The following SPAG17 variants were observed in gnomAD, a reference collection of about 807,000 sequenced individuals.
SPAG17 encodes the protein sperm-associated antigen 17.
In SPAG17, 169 loss-of-function variants were observed where a neutral mutation model predicts 273.6. The ratio of observed to expected loss-of-function variants is 0.62; its 90% confidence interval spans 0.55 to 0.70. SPAG17 has a LOEUF of 0.70. Ranked by LOEUF, SPAG17 falls within the 30% of genes least tolerant of loss-of-function variation. The probability of loss-of-function intolerance (pLI) is 0.00; values close to 1 mark genes in which losing one functional copy is unlikely to be tolerated. For missense variants in SPAG17, 2,557 were observed against 2,627.8 expected (o/e 0.97, Z 0.59); for synonymous variants, 825 against 873.2 (o/e 0.94, Z 0.97).
chr1:118,012,606 G>A (rs985854072), intron 29 of SPAG17, among the ~76,000 whole-genome samples: 2 of 152,194 alleles, frequency 1.3e-5, no homozygotes, highest in African/African-American at 4.8e-5. Flanking sequence ...TGAAAGTCAT[G>A]CAGCAAGTAA....
At chr1:118,142,079 C>A (rs1003132583) in intron 3 of SPAG17, among the ~76,000 whole-genome samples, 1 of 150,990 alleles carries the variant, frequency 6.6e-6, no homozygotes, top group Non-Finnish European at 1.5e-5. Flanking sequence ...GTGGAAGCAA[C>A]CCACGTGTCC....
At chr1:118,173,208 C>G (rs987089649) in intron 1 of SPAG17, among the ~76,000 whole-genome samples, 1 of 151,774 alleles carries the variant, frequency 6.6e-6, no homozygotes, top group African/African-American at 2.4e-5. Flanking sequence ...AATGAATGAC[C>G]AATCAAGAAA....
chr1:118,057,005 C>T (rs940301136), intron 18 of SPAG17, among the ~76,000 whole-genome samples: 3 of 150,716 alleles, frequency 2.0e-5, no homozygotes, highest in Non-Finnish European at 3.0e-5. Context: ...GACTGAGTCT[C>T]GCTCTGTCAC....
chr1:118,099,581 G>T, intron 6 of SPAG17, 25 bp downstream of exon 6: 2 of 1,606,244 alleles, frequency 1.2e-6, no homozygotes, highest in South Asian at 2.2e-5. Context: ...GAAGGACTCA[G>T]TAAGTTGTGT....
chr1:118,023,913 T>A (rs1359208061), intron 27 of SPAG17, among the ~76,000 whole-genome samples: 1 of 152,186 alleles, frequency 6.6e-6, no homozygotes, highest in Non-Finnish European at 1.5e-5. Context: ...CACAGATATG[T>A]CTACCTGCTG....
chr1:117,972,628 A>G (rs1281170267), intron 44 of SPAG17, among the ~76,000 whole-genome samples: 1 of 152,200 alleles, frequency 6.6e-6, no homozygotes, highest in East Asian at 1.9e-4. Context: ...AGATCTAGTG[A>G]GTCAGAATCT....
chr1:118,165,192 A>G (rs1660105691), intron 1 of SPAG17, among the ~76,000 whole-genome samples: 1 of 152,196 alleles, frequency 6.6e-6, no homozygotes, highest in South Asian at 2.1e-4. Flanking sequence ...TAAAGCACAA[A>G]TCATCACGGT....
In SPAG17 at chr1:118,081,635, C is replaced by T. The variant is rs747010541; in HGVS notation, c.1770G>A (p.Leu590=). The T allele has an allele frequency of 1.2e-6, 2 of 1,613,568 alleles. No homozygotes were observed. The highest frequency in any genetic ancestry group is 2.2e-5 in the East Asian group (1 of 44,860). ...ELMHFCTSDV[L]SWNEVERAFK... Reference sequence around the variant, plus strand: ...AGGCTCGTTCTACTTCATTCCAGCTCAAGACATCTGTAAGAAAGCAGAACC... The same window carrying T: ...AGGCTCGTTCTACTTCATTCCAGCTTAAGACATCTGTAAGAAAGCAGAACC... The change falls in exon 14 of 49, where the codon TTG becomes TTA. Residue 590 remains leucine, a synonymous_variant. Transcript: ENST00000336338.
At chr1:118,062,280 T>C (rs1459781414) in intron 18 of SPAG17, among the ~76,000 whole-genome samples, 1 of 138,500 alleles carries the variant, frequency 7.2e-6, no homozygotes, top group African/African-American at 2.7e-5. Flanking sequence ...GGCAGGAGAA[T>C]GGCACGAACC....
chr1:118,096,717 T>C (rs570026372), intron 7 of SPAG17, among the ~76,000 whole-genome samples: 219 of 152,310 alleles, frequency 1.4e-3, no homozygotes, highest in African/African-American at 5.0e-3. Context: ...ATTTTTTCTT[T>C]GTCTGAATTA....
Position 118,086,861 on chromosome 1 carries a change from G to A in SPAG17, c.1497+10C>T, listed in dbSNP as rs1655035255. On this transcript the variant is annotated intron_variant, in intron 11 of 48. Coordinates refer to ENST00000336338, the MANE Select transcript of SPAG17 (RefSeq NM_206996.4). ...AAGCATGAAGACTCTGCTATCTCAGGCTATCTGACCTTTTTCTCCCTCTCT... is the reference window on the plus strand; with the variant it reads ...AAGCATGAAGACTCTGCTATCTCAGACTATCTGACCTTTTTCTCCCTCTCT... The A allele has an allele frequency of 6.2e-7, 1 of 1,613,986 alleles. No homozygotes were observed. Among genetic ancestry groups the A allele is most frequent in the Non-Finnish European group, 8.5e-7 (1 of 1,180,008 alleles).
intron 23 of SPAG17, among the ~76,000 whole-genome samples, chr1:118,037,984 G>A (rs1221419565): frequency 6.6e-6 from 1 of 152,120 alleles, no homozygotes; most frequent in Non-Finnish European, 1.5e-5. Flanking sequence ...AATGCTTTAA[G>A]AGAATAAAAA....
intron 28 of SPAG17, 67 bp from the exon 29 acceptor site, chr1:118,016,249 C>CAG: frequency 7.7e-7 from 1 of 1,294,644 alleles, no homozygotes; most frequent in Non-Finnish European, 1.1e-6. Flanking sequence ...ACATCATTCA[C>CAG]TATGTTTTGA....
intron 48 of SPAG17, chr1:117,962,443 C>T (rs1252448190): frequency 6.6e-6 from 1 of 151,240 alleles, no homozygotes; most frequent in Non-Finnish European, 1.5e-5. Flanking sequence ...AGTAAGTTAC[C>T]TATAGAAATT....
intron 15 of SPAG17, among the ~76,000 whole-genome samples, chr1:118,075,873 C>A (rs1654040208): frequency 6.6e-6 from 1 of 151,956 alleles, no homozygotes; most frequent in Non-Finnish European, 1.5e-5. Context: ...TCATATTGGT[C>A]GAGTATCACC....
intron 47 of SPAG17, chr1:117,964,202 C>A: frequency 3.7e-6 from 1 of 268,474 alleles, no homozygotes; most frequent in Non-Finnish European, 7.1e-6. Context: ...TCAGTATGGT[C>A]AAGCCCCAAA....
intron 7 of SPAG17, among the ~76,000 whole-genome samples, chr1:118,097,261 C>T (rs1352913113): frequency 6.6e-6 from 1 of 151,074 alleles, no homozygotes; most frequent in African/African-American, 2.4e-5. Context: ...AAAGCAAGGG[C>T]TTAGAAAAGC....
At chr1:117,990,954 C>T (rs767256392) in intron 37 of SPAG17, 48 bp from the exon 38 acceptor site, 4 of 1,133,718 alleles carry the variant, frequency 3.5e-6, no homozygotes, top group Non-Finnish European at 5.0e-6. Flanking sequence ...ACTTACAAGA[C>T]TTACTTTGTT....
chr1:118,164,788 C>G (rs923569352), intron 1 of SPAG17, among the ~76,000 whole-genome samples: 55 of 152,358 alleles, frequency 3.6e-4, no homozygotes, highest in African/African-American at 1.3e-3. Context: ...TTTCTAAACT[C>G]TTACTGCTCT....
Sources: gnomAD v4.1 joint callset for allele counts (sites outside exome capture counted in the v4.1 genomes callset) on GRCh38, gnomAD v4.1.1 for gene constraint, MANE v1.5 for transcripts, NCBI Gene and HGNC (gene_info 2026-07-23, HGNC 2026-07-21) for gene names.